Variants in HCFC1R1 observed in about 807,000 individuals in gnomAD.
The protein encoded by HCFC1R1 is host cell factor C1 regulator 1.
Under a neutral mutation model 13.3 loss-of-function variants are expected in HCFC1R1, and 17 were observed. The ratio of observed to expected loss-of-function variants is 1.28; its 90% CI spans 0.87 to 1.91. The LOEUF (loss-of-function observed/expected upper bound fraction) is 1.91, where lower values mean the gene tolerates loss of function less well. Among genes scored for constraint, HCFC1R1 ranks in the 40% most tolerant of loss-of-function variants. The pLI is 0.00. For synonymous variants in HCFC1R1, 87 were observed against 71.1 expected (o/e 1.22, Z -1.12); for missense variants, 218 against 177.9 (o/e 1.23, Z -1.28).
intron 1 of HCFC1R1, 59 bp downstream of exon 1, chr16:3,023,788 G>T (rs985469198): frequency 7.5e-7 from 1 of 1,331,874 alleles, no homozygotes; most frequent in Non-Finnish European, 1.0e-6. Flanking sequence ...CCAGTCCTGA[G>T]CACCCAGCCA....
At position 3,023,014 on chromosome 16, in the gene HCFC1R1, AC is replaced by A; in HGVS notation, c.282-17del. On this transcript the variant is annotated splice_polypyrimidine_tract_variant and intron_variant, in intron 3 of 3. Transcript: ENST00000248089. ...GCAAGGGCTCCTAGAAGAGGAAATG[AC>A]TGTCAGGGCATGGAGCTGAGGCTGG... is the stretch of plus-strand genomic sequence containing the variant. 1 of 1,594,046 alleles carries A rather than the reference AC, an allele frequency of 6.3e-7. No homozygotes were observed. Among genetic ancestry groups the A allele is most frequent in the South Asian group, 1.1e-5 (1 of 88,368 alleles).
upstream of HCFC1R1, chr16:3,023,999 G>A: frequency 3.1e-6 from 4 of 1,301,186 alleles, no homozygotes; most frequent in Non-Finnish European, 4.2e-6. Context: ...CTCTGAGGGC[G>A]TGGCCAAGAG....
In HCFC1R1 at chr16:3,023,890, G is replaced by A; in HGVS notation, c.52C>T (p.Leu18Phe). The change falls in exon 1 of 4, where the codon CTC (leucine) becomes TTC (phenylalanine). Residue 18 changes from leucine to phenylalanine, a missense_variant. Coordinates refer to ENST00000248089, the MANE Select transcript of HCFC1R1 (RefSeq NM_017885.4). ...QRGPQGGAQR[L>F]PRAALGVTWG... ...GTCACCCCCAAGGCGGCCCGCGGGA[G>A]GCGCTGGGCCCCTCCCTGGGGGCCT... 6 of 1,557,146 alleles carry A rather than the reference G, an allele frequency of 3.9e-6. No individual in the cohort carries two copies. Among genetic ancestry groups the A allele is most frequent in the South Asian group, 1.2e-5 (1 of 85,336 alleles).
intron 1 of HCFC1R1, 83 bp from the exon 2 acceptor site, chr16:3,023,613 C>T (rs1172039247): frequency 1.4e-6 from 2 of 1,429,440 alleles, no homozygotes; most frequent in Non-Finnish European, 9.3e-7. Context: ...CAGCATCAGC[C>T]AGGAGCCCCA....
intron 1 of HCFC1R1, 119 bp from the exon 2 acceptor site, chr16:3,023,649 C>A: frequency 1.6e-6 from 2 of 1,241,468 alleles, no homozygotes; most frequent in Non-Finnish European, 2.2e-6. Context: ...CAGCTGGTGC[C>A]GGTCCCCGCT....
upstream of HCFC1R1, chr16:3,024,077 G>C: frequency 1.3e-6 from 1 of 784,842 alleles, no homozygotes; most frequent in Admixed American, 2.8e-5. Context: ...CGGGCGGCGC[G>C]TGGCGGAAGG....
upstream of HCFC1R1, chr16:3,024,019 G>A: frequency 2.6e-6 from 3 of 1,156,238 alleles, no homozygotes; most frequent in African/African-American, 1.6e-5. Context: ...GAGGATGGGC[G>A]TGGCTTTAGG....
intron 3 of HCFC1R1, 77 bp downstream of exon 3, chr16:3,023,156 C>G: frequency 2.0e-6 from 3 of 1,505,162 alleles, no homozygotes; most frequent in Non-Finnish European, 2.7e-6. Flanking sequence ...AAAAATGGCA[C>G]GATGAGGCAG....
upstream of HCFC1R1, chr16:3,024,174 C>A: frequency 1.1e-6 from 1 of 909,136 alleles, no homozygotes; most frequent in Non-Finnish European, 1.7e-6. Flanking sequence ...GTCTTCGCGG[C>A]GCTCACCTCG....
chr16:3,022,654 C>T lies in HCFC1R1; in HGVS notation c.*209G>A, dbSNP rs1029198877. On this transcript the variant is annotated 3_prime_UTR_variant, in exon 4 of 4. Coordinates refer to ENST00000248089, the MANE Select transcript of HCFC1R1 (RefSeq NM_017885.4). The stretch of plus-strand genomic sequence containing the variant: ...TTTGCTCAGCAATCTTTATTCAGTT[C>T]TTCTTGGGGGTGGGATGCCTCCCTT... 1.1e-5 allele frequency: 5 copies of T among 444,310 alleles called. No individual in the cohort carries two copies. The highest frequency in any genetic ancestry group is 1.0e-4 in the African/African-American group (5 of 48,432). 27.5% of individuals were successfully genotyped at this position (444,310 alleles called of 1,614,324 possible).
Position 3,022,981 on chromosome 16 carries a change from A to G in HCFC1R1, c.299T>C (p.Leu100Pro), listed in dbSNP as rs749420927. The change falls in exon 4 of 4, where the codon CTG becomes CCG. Residue 100 changes from leucine to proline, a missense_variant. Leu to Pro is a moderately conservative substitution (Grantham distance 98). Transcript: ENST00000248089. ...LPPLRSPCSE[L>P]LLWRYPGSLI... The stretch of plus-strand genomic sequence containing the variant: ...GCTGCCAGGATAGCGCCAGAGAAGC[A>G]GCTCAGAGCAAGGGCTCCTAGAAGA... 1.6e-5 allele frequency: 26 copies of G among 1,595,508 alleles called. No homozygotes were observed. The East Asian group carries it at 5.3e-4, about 33-fold the overall frequency.
At chr16:3,023,053 C>A in intron 3 of HCFC1R1, 55 bp from the exon 4 acceptor site, 1 of 1,570,300 alleles carries the variant, frequency 6.4e-7, no homozygotes. Context: ...TAGCTGAGCA[C>A]CTCCCACCAG....
At chr16:3,023,972 G>C (rs1388450677), upstream of HCFC1R1, 1 of 1,482,158 alleles carries the variant, frequency 6.7e-7, no homozygotes, top group East Asian at 2.5e-5. Context: ...GTGGGATCTG[G>C]GCGACAGGGG....
At position 3,023,325 on chromosome 16, in the gene HCFC1R1, G is replaced by C. The variant is rs781720624; in HGVS notation, c.189C>G (p.Asn63Lys). ...TGAGTTGAGAGAAGTGGGTGGCCAT[G>C]TTCTCCTCAGACAGAAACTGCTTGC... The part of the protein sequence containing the change: ...PLRKQFLSEE[N>K]MATHFSQLSL... Residue 63 changes from asparagine (N) to lysine (K), a missense_variant, in exon 3 of 4, where the codon AAC becomes AAG. Coordinates refer to ENST00000248089, the MANE Select transcript of HCFC1R1 (RefSeq NM_017885.4). 1 of 1,602,996 alleles carries C rather than the reference G, an allele frequency of 6.2e-7. No individual in the cohort carries two copies. The highest frequency in any genetic ancestry group is 1.7e-5 in the Admixed American group (1 of 59,248).
Position 3,023,251 on chromosome 16 carries a change from G to A in HCFC1R1, c.263C>T (p.Pro88Leu), listed in dbSNP as rs759417606. Residue 88 changes from proline (P) to leucine (L), a missense_variant, in exon 3 of 4, where the codon CCA becomes CTA. Physicochemically the swap from Pro to Leu is moderately conservative, Grantham distance 98. Transcript: ENST00000248089. ...AACCTACCTGAGTGGGGGCAGGGCT[G>A]GGGAGAAGGTCATGGGGGGGCTGCA... ...PYCSPPMTFS[P>L]ALPPLRSPCS... 2 of 1,562,128 alleles carry A rather than the reference G, an allele frequency of 1.3e-6. No individual in the cohort carries two copies. The highest frequency in any genetic ancestry group is 1.9e-5 in the Admixed American group (1 of 53,776).
chr16:3,024,053 G>A (rs2072707787), upstream of HCFC1R1: 1 of 926,530 alleles, frequency 1.1e-6, no homozygotes, highest in African/African-American at 1.7e-5. Flanking sequence ...GAGGTTCTGC[G>A]CGGGCGCGGA....
intron 3 of HCFC1R1, 36 bp downstream of exon 3, chr16:3,023,197 G>T: frequency 6.5e-6 from 10 of 1,534,128 alleles, no homozygotes; most frequent in Non-Finnish European, 8.8e-6. Context: ...GACCGCCTGT[G>T]ATTCTGCAGA....
At position 3,023,830 on chromosome 16, in the gene HCFC1R1, T is replaced by C; in HGVS notation, c.95+17A>G. On this transcript the variant is annotated intron_variant, in intron 1 of 3. Transcript: ENST00000248089. The stretch of plus-strand genomic sequence containing the variant: ...CTGCGGCCCTTGGTCAGGCCCACCC[T>C]GGTCCCCTACACGCACCTGGCGTCC... 6.5e-7 allele frequency: 1 copy of C among 1,530,616 alleles called. No homozygotes were observed. Among genetic ancestry groups the C allele is most frequent in the Non-Finnish European group, 8.8e-7 (1 of 1,141,032 alleles). 94.8% of individuals were successfully genotyped at this position (1,530,616 alleles called of 1,614,324 possible). A position where few individuals can be genotyped will look rare whatever the true frequency, so the allele number is the denominator to read the frequency against.
Position 3,023,298 on chromosome 16 carries a change from G to A in HCFC1R1, c.216C>T (p.Ser72=), listed in dbSNP as rs952637962. The A allele has an allele frequency of 1.1e-5, 17 of 1,595,054 alleles. No individual in the cohort carries two copies. Among genetic ancestry groups the A allele is most frequent in the Non-Finnish European group, 1.4e-5 (16 of 1,168,302 alleles). The part of the protein sequence containing the change: ...ENMATHFSQL[S]LHNDHPYCSP... ...TGCAGTAGGGGTGGTCATTGTGCAG[G>A]CTGAGTTGAGAGAAGTGGGTGGCCA... Residue 72 remains serine, a synonymous_variant, in exon 3 of 4, where the codon AGC becomes AGT. Transcript: ENST00000248089.
Sources: allele counts gnomAD v4.1 joint callset, GRCh38; gene constraint gnomAD v4.1.1; transcripts MANE v1.5; gene names NCBI Gene and HGNC (gene_info 2026-07-23, HGNC 2026-07-21).